Variants in SCNN1B observed in about 807,000 individuals in gnomAD.
SCNN1B encodes the protein sodium channel epithelial 1 subunit beta.
In SCNN1B, 46 loss-of-function variants were observed where a neutral mutation model predicts 65.3. The ratio of observed to expected loss-of-function variants is 0.70; its 90% CI spans 0.56 to 0.90. SCNN1B has a LOEUF of 0.90. Among genes scored for constraint, SCNN1B ranks in the 40% least tolerant of loss-of-function variants. SCNN1B has a pLI of 0.00. For synonymous variants in SCNN1B, 349 were observed against 330.6 expected (o/e 1.06, Z -0.60); for missense variants, 751 against 830.5 (o/e 0.90, Z 1.18).
intron 4 of SCNN1B, among the ~76,000 whole-genome samples, chr16:23,359,943 C>A (rs917633501): frequency 6.6e-6 from 1 of 152,198 alleles, no homozygotes; most frequent in Admixed American, 6.5e-5. Context: ...TGGCTCACGC[C>A]TATAATCCCA....
chr16:23,287,649 A>G (rs28393428), intron 2 of SCNN1B, among the ~76,000 whole-genome samples: 50,969 of 151,788 alleles, frequency 0.34, 10,250 homozygotes, highest in African/African-American at 0.57. Context: ...AGGATGAGGA[A>G]GGAGGATCAC....
intron 1 of SCNN1B, among the ~76,000 whole-genome samples, chr16:23,319,775 G>GT (rs1205266458): frequency 0.013 from 1,919 of 148,000 alleles, 16 homozygotes; most frequent in Middle Eastern, 0.041. Context: ...TTTATTTTTT[G>GT]TTTTTTTTTT....
chr16:23,325,916 A>AATAT (rs1961686337), intron 1 of SCNN1B, among the ~76,000 whole-genome samples: 2 of 127,364 alleles, frequency 1.6e-5, no homozygotes, highest in African/African-American at 7.6e-5. Context: ...TAAATAAATA[A>AATAT]ATAAATATAA....
intron 1 of SCNN1B, among the ~76,000 whole-genome samples, chr16:23,332,398 T>C (rs1223531851): frequency 6.6e-6 from 1 of 152,080 alleles, no homozygotes; most frequent in Non-Finnish European, 1.5e-5. Context: ...GGTTTCACCA[T>C]GTTGATCAGG....
Position 23,358,831 on chromosome 16 carries a change from C to T in SCNN1B, c.776+3342C>T, listed in dbSNP as rs537593073. Among the ~76,000 whole-genome samples the T allele has an allele frequency of 3.9e-4, 60 of 152,330 alleles. 2 individuals carry two copies. The highest frequency in any genetic ancestry group is 1.7e-3 in the South Asian group (8 of 4,826). On this transcript the variant is annotated intron_variant, in intron 4 of 12. Transcript: ENST00000343070. ...CCGAGGCACGAGAATCACTTGAACC[C>T]GGAAGGCAGAGGTTGCAGTGAGCCG...
At chr16:23,304,064 T>C in intron 1 of SCNN1B, 1 of 1,535,976 alleles carries the variant, frequency 6.5e-7, no homozygotes, top group Non-Finnish European at 8.7e-7. Flanking sequence ...CCGTGGATAA[T>C]GCCTACCGAT....
intron 2 of SCNN1B, among the ~76,000 whole-genome samples, chr16:23,296,829 G>A (rs1227402897): frequency 3.3e-5 from 5 of 151,832 alleles, no homozygotes; most frequent in East Asian, 3.9e-4. Flanking sequence ...GTGAAACCCC[G>A]TCTCTACTAA....
chr16:23,340,073 G>C (rs1316411772), intron 1 of SCNN1B, among the ~76,000 whole-genome samples: 1 of 151,798 alleles, frequency 6.6e-6, no homozygotes, highest in Non-Finnish European at 1.5e-5. Flanking sequence ...GCATTTTTTT[G>C]CATGCTTATG....
intron 2 of SCNN1B, among the ~76,000 whole-genome samples, chr16:23,291,113 G>A (rs576810284): frequency 2.0e-5 from 3 of 148,130 alleles, no homozygotes; most frequent in Non-Finnish European, 3.0e-5. Context: ...CCAGGCTGGA[G>A]TGCAATGGTG....
chr16:23,351,717 G>A (rs1230532677), intron 2 of SCNN1B, among the ~76,000 whole-genome samples: 1 of 152,156 alleles, frequency 6.6e-6, no homozygotes, highest in East Asian at 1.9e-4. Flanking sequence ...GCAGGGCCCG[G>A]CCCCGCAGAG....
intron 1 of SCNN1B, among the ~76,000 whole-genome samples, chr16:23,327,503 C>T (rs1596839009): frequency 6.6e-6 from 1 of 152,248 alleles, no homozygotes; most frequent in East Asian, 1.9e-4. Context: ...CATTGCACTC[C>T]AGCCTGGGAG....
chr16:23,302,444 C>G lies in SCNN1B; in HGVS notation c.-9+7C>G, dbSNP rs1285847582. ...CGCTCCGCCGCCCGAGCAGGTATGA[C>G]GGCGAACCCTGGCTCGCACCCGGTC... On this transcript the variant is annotated splice_region_variant and intron_variant, in intron 1 of 12. Transcript: ENST00000343070. 1 of 154,154 alleles carries G rather than the reference C, an allele frequency of 6.5e-6. No individual in the cohort carries two copies. Among genetic ancestry groups the G allele is most frequent in the East Asian group, 1.9e-4 (1 of 5,286 alleles). 9.5% of individuals were successfully genotyped at this position (154,154 alleles called of 1,614,324 possible). A position where few individuals can be genotyped will look rare whatever the true frequency, so the allele number is the denominator to read the frequency against.
intron 2 of SCNN1B, among the ~76,000 whole-genome samples, chr16:23,285,500 A>G (rs1960837147): frequency 6.6e-6 from 1 of 152,150 alleles, no homozygotes; most frequent in Non-Finnish European, 1.5e-5. Flanking sequence ...AAAATAATAA[A>G]TGGGCCAGGC....
intron 10 of SCNN1B, among the ~76,000 whole-genome samples, chr16:23,377,601 T>C (rs1962933603): frequency 1.6e-5 from 2 of 127,760 alleles, no homozygotes; most frequent in African/African-American, 3.3e-5. Flanking sequence ...CTCCCTTCCT[T>C]CCTTCCTTCT....
At chr16:23,284,502 T>C (rs1960824840) in intron 2 of SCNN1B, among the ~76,000 whole-genome samples, 1 of 152,126 alleles carries the variant, frequency 6.6e-6, no homozygotes, top group African/African-American at 2.4e-5. Context: ...CACATGTTGG[T>C]CTTGTTAGAA....
chr16:23,322,867 A>C (rs1032185773), intron 1 of SCNN1B, among the ~76,000 whole-genome samples: 5 of 151,950 alleles, frequency 3.3e-5, no homozygotes, highest in African/African-American at 1.2e-4. Context: ...AACTCCATCC[A>C]CATTATTGGT....
intron 1 of SCNN1B, among the ~76,000 whole-genome samples, chr16:23,346,965 G>A (rs1962203549): frequency 6.6e-6 from 1 of 152,094 alleles, no homozygotes; most frequent in South Asian, 2.1e-4. Context: ...AAGGAGATTT[G>A]CTCAAAGTCA....
chr16:23,285,113 G>A (rs1960831879), intron 2 of SCNN1B, among the ~76,000 whole-genome samples: 1 of 152,198 alleles, frequency 6.6e-6, no homozygotes, highest in Admixed American at 6.5e-5. Context: ...AAAGTCTAGA[G>A]TTTGGTTAAT....
At chr16:23,326,887 T>C (rs1384874376) in intron 1 of SCNN1B, among the ~76,000 whole-genome samples, 1 of 152,072 alleles carries the variant, frequency 6.6e-6, no homozygotes, top group African/African-American at 2.4e-5. Flanking sequence ...CATTAGGTAA[T>C]TCCTCATTCC....
Sources: gnomAD v4.1 joint callset for allele counts (sites outside exome capture counted in the v4.1 genomes callset) on GRCh38, gnomAD v4.1.1 for gene constraint, MANE v1.5 for transcripts, NCBI Gene and HGNC (gene_info 2026-07-23, HGNC 2026-07-21) for gene names.